Variants in PITPNC1 observed in about 807,000 individuals in gnomAD.
PITPNC1 encodes cytoplasmic phosphatidylinositol transfer protein 1.
In PITPNC1, 18 loss-of-function variants were observed where a neutral mutation model predicts 44.7. The observed-to-expected ratio is 0.40, with a 90% CI of 0.28 to 0.60. PITPNC1 has a LOEUF of 0.60. PITPNC1 is among the 20% of genes least tolerant of loss of function. PITPNC1 has a pLI of 0.39. For missense variants in PITPNC1, 290 were observed against 418.4 expected (o/e 0.69, Z 2.68); for synonymous variants, 141 against 149.6 (o/e 0.94, Z 0.42).
chr17:67,394,131 C>G, intron 1 of PITPNC1, among the ~76,000 whole-genome samples: 1 of 152,074 alleles, frequency 6.6e-6, no homozygotes, highest in South Asian at 2.1e-4. Context: ...AGCCACCATG[C>G]CCGACCCATC....
intron 4 of PITPNC1, among the ~76,000 whole-genome samples, chr17:67,564,087 A>G (rs959384533): frequency 6.6e-6 from 1 of 152,122 alleles, no homozygotes; most frequent in Non-Finnish European, 1.5e-5. Flanking sequence ...GGATTGATAG[A>G]TATTAACAGA....
At chr17:67,605,171 G>A (rs989267895) in intron 5 of PITPNC1, among the ~76,000 whole-genome samples, 8 of 152,178 alleles carry the variant, frequency 5.3e-5, no homozygotes, top group Admixed American at 3.9e-4. Context: ...AAGCTGAACC[G>A]AGAGCTCTAT....
At chr17:67,385,496 C>A (rs1325648473) in intron 1 of PITPNC1, among the ~76,000 whole-genome samples, 1 of 146,490 alleles carries the variant, frequency 6.8e-6, no homozygotes, top group African/African-American at 2.5e-5. Context: ...CCTCCCCTCC[C>A]CCCAGGCACC....
chr17:67,569,502 CT>C (rs1191190441), intron 4 of PITPNC1, among the ~76,000 whole-genome samples: 17 of 152,226 alleles, frequency 1.1e-4, no homozygotes, highest in South Asian at 4.1e-4. Context: ...TCCACCATCA[CT>C]TTTCTGCACA....
In PITPNC1 at chr17:67,660,862, CT is replaced by C. The variant is rs141244732; in HGVS notation, c.463-8632del. Among the ~76,000 whole-genome samples the C allele has an allele frequency of 1.7e-3, 191 of 111,794 alleles. 1 individual carries two copies. Among genetic ancestry groups the C allele is most frequent in the African/African-American group, 2.0e-3 (59 of 29,832 alleles). The allele number at this position is 111,794 out of a possible 152,430, so 73.3% of individuals were successfully genotyped here. A position where few individuals can be genotyped will look rare whatever the true frequency, so the allele number is the denominator to read the frequency against. Reference sequence around the variant, plus strand: ...TGCCCAGCCTCATGAATCACATTCTCTTTTTTTTTTTTTTGAGATGGAGTCT... The same window carrying C: ...TGCCCAGCCTCATGAATCACATTCTCTTTTTTTTTTTTTGAGATGGAGTCT... On this transcript the variant is annotated intron_variant, in intron 6 of 8. Coordinates refer to ENST00000581322, the MANE Select transcript of PITPNC1 (RefSeq NM_012417.4).
chr17:67,509,410 G>A (rs1356854194), intron 1 of PITPNC1, among the ~76,000 whole-genome samples: 1 of 151,746 alleles, frequency 6.6e-6, no homozygotes, highest in African/African-American at 2.4e-5. Context: ...GGTGGTGCAC[G>A]CCTGTAATCC....
chr17:67,683,780 C>T (rs1353057960), intron 8 of PITPNC1, among the ~76,000 whole-genome samples: 3 of 151,424 alleles, frequency 2.0e-5, no homozygotes, highest in African/African-American at 7.3e-5. Flanking sequence ...GAGTTCGAGA[C>T]CAGCCTGACC....
At chr17:67,413,927 C>G (rs2038548003) in intron 1 of PITPNC1, among the ~76,000 whole-genome samples, 1 of 152,076 alleles carries the variant, frequency 6.6e-6, no homozygotes, top group South Asian at 2.1e-4. Flanking sequence ...AAAGTGTGAA[C>G]CCCAGGGACA....
At chr17:67,404,184 C>T (rs1487857965) in intron 1 of PITPNC1, among the ~76,000 whole-genome samples, 3 of 152,102 alleles carry the variant, frequency 2.0e-5, no homozygotes, top group Non-Finnish European at 4.4e-5. Flanking sequence ...CAATTATTTA[C>T]TGGAATGGTA....
intron 1 of PITPNC1, among the ~76,000 whole-genome samples, chr17:67,379,987 A>G (rs193139058): frequency 6.2e-4 from 94 of 152,142 alleles, no homozygotes; most frequent in Admixed American, 2.0e-3. Context: ...TTGTACCGAA[A>G]TACCCACAGG....
intron 5 of PITPNC1, among the ~76,000 whole-genome samples, chr17:67,619,033 T>C (rs6504517): frequency 0.83 from 125,456 of 151,906 alleles, 54,414 homozygotes; most frequent in Non-Finnish European, 0.96. Flanking sequence ...CACTCCAGCC[T>C]GGGCGACAGA....
At position 67,632,215 on chromosome 17, in the gene PITPNC1, G is replaced by C. The variant is rs374275455; in HGVS notation, c.439G>C (p.Glu147Gln). ...FIDIACDEIP[E>Q]RYYKESEDPK... ...TGATATTGCCTGCGATGAAATTCCAGAGCGCTACTACAAAGAATCTGAGGT... is the reference window on the plus strand; with the variant it reads ...TGATATTGCCTGCGATGAAATTCCACAGCGCTACTACAAAGAATCTGAGGT... The change falls in exon 6 of 9, where the codon GAG becomes CAG. Residue 147 changes from glutamate (E) to glutamine (Q), a missense_variant. Transcript: ENST00000581322. The C allele has an allele frequency of 2.5e-6, 4 of 1,608,768 alleles. No homozygotes were observed. In the African/African-American group the frequency reaches 5.3e-5, roughly 22 times the overall value.
chr17:67,454,389 C>T (rs947885681), intron 1 of PITPNC1, among the ~76,000 whole-genome samples: 1 of 152,118 alleles, frequency 6.6e-6, no homozygotes, highest in African/African-American at 2.4e-5. Context: ...GTTTCCTGAT[C>T]TATAAAATGA....
intron 1 of PITPNC1, among the ~76,000 whole-genome samples, chr17:67,469,414 A>G (rs998465204): frequency 2.0e-5 from 3 of 152,076 alleles, no homozygotes; most frequent in Non-Finnish European, 4.4e-5. Context: ...GAAATGCAGA[A>G]TCTGCAGCCC....
chr17:67,478,486 A>G (rs1355304853), intron 1 of PITPNC1, among the ~76,000 whole-genome samples: 1 of 152,066 alleles, frequency 6.6e-6, no homozygotes, highest in East Asian at 1.9e-4. Context: ...TTCAACAACA[A>G]ACCCCCTTTG....
intron 6 of PITPNC1, among the ~76,000 whole-genome samples, chr17:67,654,229 C>G (rs1254044540): frequency 1.3e-5 from 2 of 152,214 alleles, no homozygotes; most frequent in Non-Finnish European, 2.9e-5. Flanking sequence ...AAGAACCCTT[C>G]TCTCGCAATT....
chr17:67,534,733 C>T (rs968109386), intron 2 of PITPNC1, among the ~76,000 whole-genome samples: 10 of 152,122 alleles, frequency 6.6e-5, no homozygotes, highest in African/African-American at 2.2e-4. Flanking sequence ...ACAAGTCTTA[C>T]GTCAGCCATT....
At chr17:67,578,755 G>T (rs2041185460) in intron 5 of PITPNC1, among the ~76,000 whole-genome samples, 1 of 152,246 alleles carries the variant, frequency 6.6e-6, no homozygotes, top group Admixed American at 6.5e-5. Context: ...GCTGAGGCAG[G>T]CACATCACCT....
intron 1 of PITPNC1, among the ~76,000 whole-genome samples, chr17:67,472,746 C>A (rs748295358): frequency 2.0e-5 from 3 of 152,012 alleles, no homozygotes; most frequent in Non-Finnish European, 4.4e-5. Flanking sequence ...TCCTGGGCCA[C>A]GGGTTGGACA....
Sources: allele counts gnomAD v4.1 joint callset (sites outside exome capture counted in the v4.1 genomes callset), GRCh38; gene constraint gnomAD v4.1.1; transcripts MANE v1.5; gene names NCBI Gene and HGNC (gene_info 2026-07-23, HGNC 2026-07-21).